POLR1C: variants seen among roughly 807,000 people sequenced by gnomAD.
POLR1C encodes DNA-directed RNA polymerases I and III subunit RPAC1.
POLR1C carries 42 observed loss-of-function variants against 38.3 expected under a neutral mutation model. That is an observed-to-expected ratio of 1.10 (90% CI 0.86 to 1.42). The LOEUF (loss-of-function observed/expected upper bound fraction) is 1.42. Ranked by LOEUF, POLR1C falls within the 40% of genes most tolerant of loss-of-function variation. POLR1C has a pLI of 0.00. For missense variants in POLR1C, 507 were observed against 450.5 expected (o/e 1.13, Z -1.14); for synonymous variants, 163 against 163.9 (o/e 0.99, Z 0.04).
downstream of POLR1C, chr6:43,529,610 T>A (rs1407981394): frequency 5.5e-6 from 1 of 180,304 alleles, no homozygotes; most frequent in Non-Finnish European, 1.2e-5. Flanking sequence ...AGGGTCTGAA[T>A]GAGAATGAAG....
intron 10 of POLR1C, among the ~76,000 whole-genome samples, chr6:43,558,120 A>C (rs566496356): frequency 1.3e-5 from 2 of 152,084 alleles, no homozygotes; most frequent in Non-Finnish European, 2.9e-5. Flanking sequence ...ACAAAAAGGA[A>C]ATAAGGCACA....
chr6:43,525,991 AGCGC>A (rs1481347083), downstream of POLR1C: 2 of 1,568,924 alleles, frequency 1.3e-6, no homozygotes, highest in Non-Finnish European at 8.7e-7. Flanking sequence ...TTCTGACAGA[AGCGC>A]AAAAAACAAA....
At chr6:43,553,579 A>G (rs1795364304) in intron 10 of POLR1C, 1 of 1,501,892 alleles carries the variant, frequency 6.7e-7, no homozygotes. Context: ...CGCAGAAGAC[A>G]CAGAGAGACA....
exon 11 of POLR1C, chr6:43,562,148 TAAA>T (rs1268428698): frequency 2.2e-6 from 2 of 892,048 alleles, no homozygotes. Flanking sequence ...CCCATCAGGC[TAAA>T]ATCAATGACA....
downstream of POLR1C, chr6:43,525,196 A>G: frequency 6.3e-7 from 1 of 1,578,976 alleles, no homozygotes; most frequent in Non-Finnish European, 8.6e-7. Context: ...GCTGTAATTA[A>G]TAGCGCTGTA....
chr6:43,538,033 T>A (rs1222835748), intron 9 of POLR1C, among the ~76,000 whole-genome samples: 1 of 123,860 alleles, frequency 8.1e-6, no homozygotes, highest in Non-Finnish European at 1.6e-5. Flanking sequence ...TGCAGTGAGC[T>A]GAGATAGCAC....
chr6:43,519,282 A>C (rs1213482054), intron 2 of POLR1C, 51 bp from the exon 3 acceptor site: 1 of 1,103,434 alleles, frequency 9.1e-7, no homozygotes, highest in Non-Finnish European at 1.4e-6. Context: ...GTATGAAGAG[A>C]TATTACACAG....
At chr6:43,555,828 A>T (rs1184540742) in intron 10 of POLR1C, 2 of 1,613,824 alleles carry the variant, frequency 1.2e-6, no homozygotes, top group Non-Finnish European at 1.7e-6. Flanking sequence ...GTAATGAAAA[A>T]AACTTACAAT....
chr6:43,561,302 T>C (rs950183883), intron 10 of POLR1C: 1 of 334,462 alleles, frequency 3.0e-6, no homozygotes, highest in African/African-American at 2.1e-5. Context: ...AGAAAAAAAA[T>C]CTGTATTACT....
At chr6:43,534,028 A>G (rs753912000), downstream of POLR1C, 2 of 1,570,824 alleles carry the variant, frequency 1.3e-6, no homozygotes, top group Non-Finnish European at 1.7e-6. Flanking sequence ...CAAGAATGCT[A>G]TTGAGCTTTT....
At chr6:43,555,938 T>A in intron 10 of POLR1C, 1 of 1,613,912 alleles carries the variant, frequency 6.2e-7, no homozygotes, top group East Asian at 2.2e-5. Flanking sequence ...GCCAACCTCA[T>A]CACCTCTCCT....
At chr6:43,533,255 C>T (rs559527740), downstream of POLR1C, 1 of 142,972 alleles carries the variant, frequency 7.0e-6, no homozygotes, top group South Asian at 2.2e-4. Flanking sequence ...CACACACACA[C>T]ACACACACGA....
At position 43,520,631 on chromosome 6, in the gene POLR1C, A is replaced by G. The variant is rs760685164; in HGVS notation, c.662A>G (p.Asp221Gly). Residue 221 changes from aspartate to glycine, a missense_variant, in exon 7 of 9, where the codon GAT becomes GGT. Coordinates refer to ENST00000642195, the MANE Select transcript of POLR1C (RefSeq NM_203290.4). ...LMHCVKGIGK[D>G]HAKFSPVATA... Reference sequence around the variant, plus strand: ...GTTCCCTCTTCCTCTCCAGGCAAAGATCATGCCAAGTTTTCACCAGTGGCA... The same window carrying G: ...GTTCCCTCTTCCTCTCCAGGCAAAGGTCATGCCAAGTTTTCACCAGTGGCA... 5 of 1,614,148 alleles carry G rather than the reference A, an allele frequency of 3.1e-6. No homozygotes were observed. The South Asian group carries it at 3.3e-5, about 11-fold the overall frequency.
At chr6:43,561,129 T>A in intron 10 of POLR1C, 3 of 798,276 alleles carry the variant, frequency 3.8e-6, no homozygotes, top group Non-Finnish European at 2.0e-6. Flanking sequence ...AAGGACTTTG[T>A]ATTTCCTTTT....
intron 10 of POLR1C, chr6:43,558,543 A>C (rs751953982): frequency 1.2e-6 from 2 of 1,604,834 alleles, no homozygotes; most frequent in South Asian, 2.3e-5. Flanking sequence ...TCAAAATCAA[A>C]CCGAGAATAT....
intron 9 of POLR1C, chr6:43,539,281 A>C: frequency 1.3e-6 from 2 of 1,518,392 alleles, no homozygotes; most frequent in Non-Finnish European, 1.8e-6. Flanking sequence ...TGGAGCACTT[A>C]ACACCCAGAC....
At chr6:43,553,293 T>C (rs968780704) in intron 10 of POLR1C, 21 of 1,488,760 alleles carry the variant, frequency 1.4e-5, no homozygotes, top group African/African-American at 5.6e-5. Context: ...CAGAGAGATA[T>C]AGCGTCCCAA....
downstream of POLR1C, chr6:43,524,381 A>C: frequency 6.8e-7 from 1 of 1,476,040 alleles, no homozygotes; most frequent in African/African-American, 1.4e-5. Flanking sequence ...ATCTCACCAT[A>C]ATGGTCAATA....
At chr6:43,527,277 T>A (rs911599064) in intron 8 of POLR1C, 7 of 215,134 alleles carry the variant, frequency 3.3e-5, no homozygotes, top group Non-Finnish European at 6.6e-5. Context: ...GCTACAAACA[T>A]GAACTTTTTT....
Sources: gnomAD v4.1 joint callset for allele counts (sites outside exome capture counted in the v4.1 genomes callset) on GRCh38, gnomAD v4.1.1 for gene constraint, MANE v1.5 for transcripts, NCBI Gene and HGNC (gene_info 2026-07-23, HGNC 2026-07-21) for gene names.